NFXL1: variants seen among roughly 807,000 people sequenced by gnomAD.
The protein encoded by NFXL1 is NF-X1-type zinc finger protein NFXL1.
NFXL1 carries 66 observed loss-of-function variants against 123.3 expected under a neutral mutation model. The observed-to-expected ratio is 0.54, with a 90% confidence interval of 0.44 to 0.66. The LOEUF is 0.66. NFXL1 is among the 30% of genes least tolerant of loss of function. The pLI, the probability that NFXL1 is intolerant of heterozygous loss-of-function variation, is 0.00. For synonymous variants in NFXL1, 346 were observed against 360.8 expected, an observed-to-expected ratio of 0.96 and a Z score of 0.46; for missense variants, 944 against 1,125.6, an observed-to-expected ratio of 0.84 and a Z score of 2.31.
Position 47,905,356 on chromosome 4 carries a change from T to A in NFXL1, c.407-10A>T. The A allele has an allele frequency of 7.3e-7, 1 of 1,378,772 alleles. No homozygotes were observed. Among genetic ancestry groups the A allele is most frequent in the Non-Finnish European group, 1.0e-6 (1 of 973,140 alleles). 85.4% of individuals were successfully genotyped at this position (1,378,772 alleles called of 1,614,324 possible). ...TCACGTGTATCTCCATCTGGAAATT[T>A]AAAGATTGAAAATCTCACCCTAAAC... On this transcript the variant is annotated splice_polypyrimidine_tract_variant and intron_variant, in intron 3 of 22. Transcript: ENST00000507489.
chr4:47,901,577 A>G (rs940463812), intron 5 of NFXL1, among the ~76,000 whole-genome samples: 2 of 152,234 alleles, frequency 1.3e-5, no homozygotes, highest in African/African-American at 4.8e-5. Context: ...GAGCAAAACA[A>G]ATATACTTTG....
rs3057881 is a variant in NFXL1 at position 47,899,138 on chromosome 4, C to CAAAAAAA, written c.827-25_827-19dup. 18 of 1,212,194 alleles carry CAAAAAAA rather than the reference C, an allele frequency of 1.5e-5. No homozygotes were observed. Among genetic ancestry groups the CAAAAAAA allele is most frequent in the Admixed American group, 1.0e-4 (3 of 29,296 alleles). 75.1% of individuals were successfully genotyped at this position (1,212,194 alleles called of 1,614,324 possible). A position where few individuals can be genotyped will look rare whatever the true frequency, so the allele number is the denominator to read the frequency against. On this transcript the variant is annotated intron_variant, in intron 6 of 22. Transcript: ENST00000507489. ...GCAGGGACCTAGAATTCAGTAAAAG[C>CAAAAAAA]AAAAAAAAAAAAAAAAAAAAAATCT...
intron 19 of NFXL1, among the ~76,000 whole-genome samples, chr4:47,859,038 A>G (rs1196843911): frequency 6.6e-6 from 1 of 152,206 alleles, no homozygotes; most frequent in Non-Finnish European, 1.5e-5. Flanking sequence ...CATAAGATAA[A>G]ATGATGGTTA....
rs770685540 is a variant in NFXL1, at chr4:47,896,557, C to T, written c.1295G>A (p.Arg432His). Residue 432 changes from arginine (R) to histidine (H), a missense_variant, in exon 10 of 23, where the codon CGT (arginine) becomes CAT (histidine). Physicochemically the swap from Arg to His is conservative, Grantham distance 29. Transcript: ENST00000507489. ...LECGIHRCSQ[R>H]CHRGPCETCR... ...TGTTTCACAGGGACCTCGGTGACAA[C>T]GCTGTGAACATCTATGGATTCCGCA... 12 of 1,613,302 alleles carry T rather than the reference C, an allele frequency of 7.4e-6. No homozygotes were observed. Among genetic ancestry groups the T allele is most frequent in the South Asian group, 3.3e-5 (3 of 91,072 alleles).
At chr4:47,861,878 GT>G (rs1453162152) in intron 19 of NFXL1, among the ~76,000 whole-genome samples, 4 of 152,060 alleles carry the variant, frequency 2.6e-5, no homozygotes, top group Admixed American at 2.6e-4. Context: ...ATTGATTCCT[GT>G]TTTATACTTA....
chr4:47,896,563 GAACA>G lies in NFXL1; in HGVS notation c.1285_1288del (p.Cys429HisfsTer72). On this transcript the variant is annotated frameshift_variant, in exon 10 of 23. Transcript: ENST00000507489. LOFTEE classifies it high-confidence loss of function. ...ACAGGGACCTCGGTGACAACGCTGT[GAACA>G]TCTATGGATTCCGCATTCAAGTACT... The G allele has an allele frequency of 6.2e-7, 1 of 1,613,250 alleles. No homozygotes were observed. The highest frequency in any genetic ancestry group is 8.5e-7 in the Non-Finnish European group (1 of 1,179,330).
chr4:47,905,112 C>A, intron 4 of NFXL1, 125 bp downstream of exon 4: 1 of 442,932 alleles, frequency 2.3e-6, no homozygotes, highest in East Asian at 3.4e-5. Flanking sequence ...AATTCATATA[C>A]AAAATTCTCA....
chr4:47,879,368 T>A (rs1397229220), intron 15 of NFXL1, among the ~76,000 whole-genome samples: 1 of 152,062 alleles, frequency 6.6e-6, no homozygotes, highest in African/African-American at 2.4e-5. Context: ...GGTATGAATT[T>A]AACAAAATAT....
chr4:47,894,539 TAAAA>T (rs200680311), intron 10 of NFXL1, among the ~76,000 whole-genome samples: 5 of 139,370 alleles, frequency 3.6e-5, no homozygotes, highest in Admixed American at 2.3e-4. Flanking sequence ...ATTGAATAGT[TAAAA>T]AAAAAAAAAA....
intron 5 of NFXL1, among the ~76,000 whole-genome samples, chr4:47,902,189 A>C (rs949712284): frequency 1.3e-5 from 2 of 152,162 alleles, no homozygotes; most frequent in African/African-American, 4.8e-5. Flanking sequence ...CTCAAAAAAA[A>C]TTAAAATTAA....
intron 12 of NFXL1, among the ~76,000 whole-genome samples, chr4:47,890,068 CATTTT>C (rs1439225758): frequency 2.6e-5 from 4 of 151,604 alleles, no homozygotes; most frequent in Admixed American, 6.6e-5. Flanking sequence ...AATATTATTA[CATTTT>C]ATTTTAATTT....
intron 10 of NFXL1, among the ~76,000 whole-genome samples, chr4:47,895,767 T>C (rs1438515934): frequency 6.6e-6 from 1 of 152,236 alleles, no homozygotes; most frequent in Non-Finnish European, 1.5e-5. Context: ...AGTAGCAATT[T>C]TAATTTCCTT....
At chr4:47,861,309 T>C (rs1734754198) in intron 19 of NFXL1, among the ~76,000 whole-genome samples, 1 of 152,174 alleles carries the variant, frequency 6.6e-6, no homozygotes, top group Admixed American at 6.5e-5. Flanking sequence ...TACTCTTAGA[T>C]TGTTCCAAAC....
chr4:47,898,066 G>A lies in NFXL1; in HGVS notation c.1105C>T (p.Leu369=). 6.2e-7 allele frequency: 1 copy of A among 1,600,292 alleles called. No homozygotes were observed. Among genetic ancestry groups the A allele is most frequent in the Non-Finnish European group, 8.5e-7 (1 of 1,174,788 alleles). Residue 369 remains leucine (L), a synonymous_variant, in exon 9 of 23, where the codon CTG becomes TTG. Coordinates refer to ENST00000507489, the MANE Select transcript of NFXL1 (RefSeq NM_001278624.2). ...TCACATGTGTGATTACCACATGGCA[G>A]TGTTTTTCCACATACCTAAAATAAA... ...WHCDQVCGKT[L]PCGNHTCEQV...
intron 18 of NFXL1, among the ~76,000 whole-genome samples, chr4:47,874,858 A>C (rs1031346515): frequency 6.6e-6 from 1 of 152,194 alleles, no homozygotes; most frequent in Non-Finnish European, 1.5e-5. Context: ...GGAGTATTTA[A>C]ATTTTTTTTA....
chr4:47,911,139 T>G (rs66901846), intron 2 of NFXL1, 145 bp from the exon 3 acceptor site: 178,264 of 470,356 alleles, frequency 0.38, 37,009 homozygotes, highest in Non-Finnish European at 0.44. Flanking sequence ...AAAAGTATTT[T>G]CAAATTCCTT....
chr4:47,849,919 G>A (rs1202932560), intron 22 of NFXL1, among the ~76,000 whole-genome samples: 1 of 151,524 alleles, frequency 6.6e-6, no homozygotes, highest in Non-Finnish European at 1.5e-5. Context: ...ATGTAAATAG[G>A]TGTTACACTG....
chr4:47,899,207 T>C, intron 6 of NFXL1, 87 bp from the exon 7 acceptor site: 3 of 1,340,280 alleles, frequency 2.2e-6, no homozygotes, highest in Non-Finnish European at 3.0e-6. Context: ...CTATCAATAA[T>C]TTCTAGAACT....
Position 47,910,631 on chromosome 4 carries a change from T to C in NFXL1, c.406+193A>G, listed in dbSNP as rs151208167. 3.5e-4 allele frequency among the ~76,000 whole-genome samples: 54 copies of C among 152,288 alleles called. No individual in the cohort carries two copies. In the East Asian group the frequency reaches 9.4e-3, roughly 27 times the overall value. On this transcript the variant is annotated intron_variant, in intron 3 of 22. Coordinates refer to ENST00000507489, the MANE Select transcript of NFXL1 (RefSeq NM_001278624.2). ...CTATAAAAGAGCCACTGCCATTCTATTTGCTTTATAGAAAAATTAGTGTTA... is the reference window on the plus strand; with the variant it reads ...CTATAAAAGAGCCACTGCCATTCTACTTGCTTTATAGAAAAATTAGTGTTA...
Sources: allele counts gnomAD v4.1 joint callset (sites outside exome capture counted in the v4.1 genomes callset), GRCh38; gene constraint gnomAD v4.1.1; transcripts MANE v1.5; gene names NCBI Gene and HGNC (gene_info 2026-07-23, HGNC 2026-07-21).